The following TRMT1 variants were observed in gnomAD, a reference collection of about 807,000 sequenced individuals.
TRMT1 encodes the protein tRNA methyltransferase 1.
A neutral mutation model predicts 75.4 loss-of-function variants in TRMT1; 63 were observed. That is an observed-to-expected ratio of 0.84 (90% CI 0.68 to 1.03). The LOEUF is 1.03. Ranked by LOEUF, TRMT1 falls within the 50% of genes least tolerant of loss-of-function variation. The pLI, the probability that TRMT1 is intolerant of heterozygous loss-of-function variation, is 0.00. For synonymous variants in TRMT1, 382 were observed against 358.1 expected (o/e 1.07, Z -0.75); for missense variants, 870 against 905.3 (o/e 0.96, Z 0.50).
Position 13,105,288 on chromosome 19 carries a change from A to C in TRMT1, c.1812T>G (p.Phe604Leu). 2 of 1,613,906 alleles carry C rather than the reference A, an allele frequency of 1.2e-6. No individual in the cohort carries two copies. The highest frequency in any genetic ancestry group is 1.7e-6 in the Non-Finnish European group (2 of 1,179,978). Reference sequence around the variant, plus strand: ...TCACCTCCTTAAACCTCTTGCAAGGAAATGTCTTGAGCCGGGCAGCCCGCT... The same window carrying C: ...TCACCTCCTTAAACCTCTTGCAAGGCAATGTCTTGAGCCGGGCAGCCCGCT... ...VAQRAARLKT[F>L]PCKRFKEGTC... Residue 604 changes from phenylalanine to leucine, a missense_variant, in exon 16 of 17, where the codon TTT becomes TTG. By Grantham distance (22) the Phe-to-Leu change is conservative. Transcript: ENST00000357720.
At chr19:13,115,227 T>G in intron 5 of TRMT1, 52 bp downstream of exon 5, 6 of 1,547,300 alleles carry the variant, frequency 3.9e-6, no homozygotes, top group Non-Finnish European at 5.2e-6. Context: ...GAGCCAGAAT[T>G]TGACCCCAGG....
chr19:13,116,647 C>G lies in TRMT1; in HGVS notation c.-33+6G>C. On this transcript the variant is annotated splice_donor_region_variant and intron_variant, in intron 1 of 16. Coordinates refer to ENST00000357720, the MANE Select transcript of TRMT1 (RefSeq NM_001136035.4). Reference sequence around the variant, plus strand: ...TCCCTCCCCGCGCTGCCTAGCCCGTCCTCACCTGCTCTCGTAGCCACAGAA... The same window carrying G: ...TCCCTCCCCGCGCTGCCTAGCCCGTGCTCACCTGCTCTCGTAGCCACAGAA... 1 of 558,836 alleles carries G rather than the reference C, an allele frequency of 1.8e-6. No homozygotes were observed. Among genetic ancestry groups the G allele is most frequent in the Non-Finnish European group, 3.1e-6 (1 of 317,832 alleles). 34.6% of individuals were successfully genotyped at this position (558,836 alleles called of 1,614,324 possible). A position where few individuals can be genotyped will look rare whatever the true frequency, so the allele number is the denominator to read the frequency against.
Position 13,107,848 on chromosome 19 carries a change from A to C in TRMT1, c.1409T>G (p.Leu470Arg). The change falls in exon 13 of 17, where the codon CTC (leucine) becomes CGC (arginine). Residue 470 changes from leucine (L) to arginine (R), a missense_variant. Leu to Arg is a moderately radical substitution (Grantham distance 102). Transcript: ENST00000357720. ...GAGTGAGACCCGGAAGTCAGCGTGGAGGAGGGCCGACCTGGGGAACAGCAG... is the reference window on the plus strand; with the variant it reads ...GAGTGAGACCCGGAAGTCAGCGTGGCGGAGGGCCGACCTGGGGAACAGCAG... The part of the protein sequence containing the change: ...PSLLQLRSAL[L>R]HADFRVSLSH... 3 of 1,551,560 alleles carry C rather than the reference A, an allele frequency of 1.9e-6. No individual in the cohort carries two copies. Among genetic ancestry groups the C allele is most frequent in the Non-Finnish European group, 2.6e-6 (3 of 1,146,878 alleles).
chr19:13,112,477 C>T (rs2019178020), intron 7 of TRMT1, among the ~76,000 whole-genome samples: 1 of 152,212 alleles, frequency 6.6e-6, no homozygotes, highest in African/African-American at 2.4e-5. Context: ...TGGCCATGCA[C>T]TCCTGTCCTG....
chr19:13,109,102 G>A lies in TRMT1; in HGVS notation c.1397+279C>T, dbSNP rs12150935. ...GGCTAATGGGTGTGTGTGTGTGTGT[G>A]TGTGTGTATACATACGTATGTATGT... On this transcript the variant is annotated intron_variant, in intron 12 of 16. Transcript: ENST00000357720. Among the ~76,000 whole-genome samples the A allele has an allele frequency of 4.7e-3, 712 of 151,848 alleles. 1 individual carries two copies. The highest frequency in any genetic ancestry group is 7.7e-3 in the Non-Finnish European group (520 of 67,948).
intron 5 of TRMT1, 139 bp from the exon 6 acceptor site, chr19:13,113,150 C>CATTT (rs565844216): frequency 4.4e-4 from 220 of 499,876 alleles, no homozygotes; most frequent in Non-Finnish European, 5.7e-4. Context: ...CTGGCTCAGT[C>CATTT]ATTTATTTAT....
chr19:13,115,504 C>T (rs767474501), intron 4 of TRMT1, 38 bp from the exon 5 acceptor site: 2 of 1,602,120 alleles, frequency 1.2e-6, no homozygotes, highest in Admixed American at 1.7e-5. Flanking sequence ...CACATCTCCA[C>T]CTCCATCCTC....
At position 13,105,072 on chromosome 19, in the gene TRMT1, G is replaced by C. The variant is rs373766611; in HGVS notation, c.1843C>G (p.Gln615Glu). 6.9e-6 allele frequency: 11 copies of C among 1,588,974 alleles called. No individual in the cohort carries two copies. The African/African-American group carries it at 1.5e-4, about 21-fold the overall frequency. The change falls in exon 17 of 17, where the codon CAA becomes GAA. Residue 615 changes from glutamine to glutamate, a missense_variant. Transcript: ENST00000357720. ...GAGTAGCAGCACTGGTCCCCGCGTT[G>C]ACAGGTGCCCTGGTGGGAAGATGGT... ...PCKRFKEGTC[Q>E]RGDQCCYSHS... is the part of the protein sequence containing the mutation.
chr19:13,116,485 G>T lies in TRMT1; in HGVS notation c.-32-54C>A. On this transcript the variant is annotated intron_variant, in intron 1 of 16. Transcript: ENST00000357720. The stretch of plus-strand genomic sequence containing the variant: ...AGAGGGTCAGAGAGCCGCATTCCGG[G>T]CCCGGGGATGTCCTACATATCTATG... The T allele has an allele frequency of 2.0e-6, 3 of 1,508,688 alleles. No homozygotes were observed. The South Asian group carries it at 3.8e-5, about 19-fold the overall frequency. 93.5% of individuals were successfully genotyped at this position (1,508,688 alleles called of 1,614,324 possible). A position where few individuals can be genotyped will look rare whatever the true frequency, so the allele number is the denominator to read the frequency against.
At chr19:13,114,786 A>G (rs1466117264) in intron 5 of TRMT1, among the ~76,000 whole-genome samples, 1 of 152,224 alleles carries the variant, frequency 6.6e-6, no homozygotes, top group African/African-American at 2.4e-5. Context: ...GGTTGCAATG[A>G]GCTGAGATCG....
rs368184301 is a variant in TRMT1 at position 13,110,005 on chromosome 19, T to C, written c.1020-4A>G. On this transcript the variant is annotated splice_region_variant and splice_polypyrimidine_tract_variant and intron_variant, in intron 8 of 16. Coordinates refer to ENST00000357720, the MANE Select transcript of TRMT1 (RefSeq NM_001136035.4). ...CTGGAACACCAGCGCCTGCTTGCTG[T>C]GGGGGGTACCAGTGGCCACGAGTTC... 33 of 1,612,990 alleles carry C rather than the reference T, an allele frequency of 2.0e-5. No homozygotes were observed. The African/African-American group carries it at 4.1e-4, about 20-fold the overall frequency.
intron 12 of TRMT1, 121 bp from the exon 13 acceptor site, chr19:13,107,980 CTTTTCTT>C: frequency 4.3e-6 from 2 of 467,834 alleles, no homozygotes; most frequent in Non-Finnish European, 3.7e-6. Context: ...CATTTCTTTT[CTTTTCTT>C]TTTTTTTTTT....
chr19:13,115,657 G>A lies in TRMT1; in HGVS notation c.422C>T (p.Pro141Leu). Reference protein sequence around the residue: ...ESENLASGDQPRTAAVGEICE... With the variant: ...ESENLASGDQLRTAAVGEICE... ...GATCTCCCCCACGGCCGCTGTGCGA[G>A]GTTGGTCTCCTGAGGCCAGGTTTTC... Residue 141 changes from proline to leucine, a missense_variant, in exon 4 of 17, where the codon CCT (proline) becomes CTT (leucine). Physicochemically the swap from Pro to Leu is moderately conservative, Grantham distance 98 (BLOSUM62 -3). Coordinates refer to ENST00000357720, the MANE Select transcript of TRMT1 (RefSeq NM_001136035.4). 3 of 1,614,002 alleles carry A rather than the reference G, an allele frequency of 1.9e-6. No individual in the cohort carries two copies. The highest frequency in any genetic ancestry group is 2.5e-6 in the Non-Finnish European group (3 of 1,180,008).
Position 13,109,536 on chromosome 19 carries a change from A to G in TRMT1, c.1311+14T>C. On this transcript the variant is annotated intron_variant, in intron 11 of 16. Transcript: ENST00000357720. ...CAGGTGGAGCCCCCTTCCCCGTCAC[A>G]GCCCGGCTCTCACCTCAGTGATGAC... 6.2e-7 allele frequency: 1 copy of G among 1,613,964 alleles called. No individual in the cohort carries two copies. The highest frequency in any genetic ancestry group is 8.5e-7 in the Non-Finnish European group (1 of 1,179,962).
At position 13,109,944 on chromosome 19, in the gene TRMT1, G is replaced by A. The variant is rs764720724; in HGVS notation, c.1077C>T (p.Leu359=). 49 of 1,613,794 alleles carry A rather than the reference G, an allele frequency of 3.0e-5. No individual in the cohort carries two copies. The highest frequency in any genetic ancestry group is 1.9e-4 in the African/African-American group (14 of 74,912). ...CGCTGGGGACTCCTGACGCTTTGCCGAGACGCTGAAGGTGGAAGGCCCCGC... is the reference window on the plus strand; with the variant it reads ...CGCTGGGGACTCCTGACGCTTTGCCAAGACGCTGAAGGTGGAAGGCCCCGC... The part of the protein sequence containing the change: ...VGCGAFHLQR[L]GKASGVPSGR... The change falls in exon 9 of 17, where the codon CTC becomes CTT. Residue 359 remains leucine (L), a synonymous_variant. Transcript: ENST00000357720.
At chr19:13,110,818 C>T (rs894979710) in intron 7 of TRMT1, among the ~76,000 whole-genome samples, 11 of 152,122 alleles carry the variant, frequency 7.2e-5, no homozygotes, top group Admixed American at 4.6e-4. Context: ...GGTGTGGTGG[C>T]GGGCGCCTGT....
chr19:13,105,006 G>C lies in TRMT1; in HGVS notation c.1909C>G (p.Pro637Ala), dbSNP rs761336576. The change falls in exon 17 of 17, where the codon CCT (proline) becomes GCT (alanine). Residue 637 changes from proline to alanine, a missense_variant. By Grantham distance (27) the Pro-to-Ala change is conservative. Transcript: ENST00000357720. ...TGGTTGGAGGTCTCTGGACAGTCAG[G>C]GGCAGCATCAGCAGAAACCCTGGGT... Reference protein sequence around the residue: ...PTPRVSADAAPDCPETSNQTP... With the variant: ...PTPRVSADAAADCPETSNQTP... 3 of 1,613,418 alleles carry C rather than the reference G, an allele frequency of 1.9e-6. No homozygotes were observed. The highest frequency in any genetic ancestry group is 2.2e-5 in the East Asian group (1 of 44,870).
chr19:13,111,935 A>T (rs1030053596), intron 7 of TRMT1, among the ~76,000 whole-genome samples: 20 of 142,284 alleles, frequency 1.4e-4, no homozygotes, highest in Admixed American at 1.2e-3. Context: ...TCCTGACCTC[A>T]TGATCCGCCC....
chr19:13,106,058 T>C (rs1244525577), intron 14 of TRMT1, among the ~76,000 whole-genome samples: 3 of 150,462 alleles, frequency 2.0e-5, no homozygotes, highest in Admixed American at 6.6e-5. Flanking sequence ...TGAGCCTCTG[T>C]CTAAAAAAAA....
Sources: allele counts gnomAD v4.1 joint callset (sites outside exome capture counted in the v4.1 genomes callset), GRCh38; gene constraint gnomAD v4.1.1; transcripts MANE v1.5; gene names NCBI Gene and HGNC (gene_info 2026-07-23, HGNC 2026-07-21).